Variants in CNTNAP2 observed in about 807,000 individuals in gnomAD.
CNTNAP2 encodes contactin associated protein 2.
Under a neutral mutation model 155.2 loss-of-function variants are expected in CNTNAP2, and 98 were observed. The observed-to-expected ratio is 0.63, with a 90% CI of 0.54 to 0.75. The LOEUF (loss-of-function observed/expected upper bound fraction) is 0.75. CNTNAP2 is among the 30% of genes least tolerant of loss of function. CNTNAP2 has a pLI of 0.00. For synonymous variants in CNTNAP2, 651 were observed against 631.2 expected (o/e 1.03, Z -0.47); for missense variants, 1,727 against 1,688.1 (o/e 1.02, Z -0.40).
intron 1 of CNTNAP2, among the ~76,000 whole-genome samples, chr7:146,286,719 A>G (rs1800342993): frequency 6.6e-6 from 1 of 152,136 alleles, no homozygotes; most frequent in African/African-American, 2.4e-5. Context: ...ATGATCCATA[A>G]ACGTTCTACT....
At chr7:146,403,985 C>T (rs1248197752) in intron 1 of CNTNAP2, among the ~76,000 whole-genome samples, 2 of 151,176 alleles carry the variant, frequency 1.3e-5, no homozygotes, top group African/African-American at 2.4e-5. Context: ...ATTAGCCGGG[C>T]GTAGTGGCGG....
At chr7:146,925,159 AT>A (rs935299561) in intron 3 of CNTNAP2, among the ~76,000 whole-genome samples, 1 of 151,892 alleles carries the variant, frequency 6.6e-6, no homozygotes, top group Non-Finnish European at 1.5e-5. Flanking sequence ...CTTCTCTTAC[AT>A]TTTTTTTCTG....
intron 1 of CNTNAP2, among the ~76,000 whole-genome samples, chr7:146,634,367 T>A (rs556712571): frequency 5.3e-5 from 8 of 152,314 alleles, no homozygotes; most frequent in African/African-American, 1.7e-4. Context: ...TGAAAACTGA[T>A]CTCATTCATT....
At chr7:146,821,454 G>T (rs988324113) in intron 2 of CNTNAP2, among the ~76,000 whole-genome samples, 8 of 152,030 alleles carry the variant, frequency 5.3e-5, no homozygotes, top group African/African-American at 1.9e-4. Flanking sequence ...GAAATTCTGG[G>T]TTGAAAATTC....
At chr7:147,039,563 T>C (rs1346305176) in intron 3 of CNTNAP2, among the ~76,000 whole-genome samples, 1 of 152,206 alleles carries the variant, frequency 6.6e-6, no homozygotes, top group Non-Finnish European at 1.5e-5. Context: ...GGTGTATATG[T>C]AGCACATTTT....
intron 1 of CNTNAP2, among the ~76,000 whole-genome samples, chr7:146,680,316 G>A (rs549799382): frequency 8.1e-4 from 124 of 152,172 alleles, no homozygotes; most frequent in Non-Finnish European, 1.5e-3. Flanking sequence ...ACACCAAAAA[G>A]CAAACAAAAC....
At chr7:146,888,275 T>C (rs1795709007) in intron 3 of CNTNAP2, among the ~76,000 whole-genome samples, 1 of 152,146 alleles carries the variant, frequency 6.6e-6, no homozygotes, top group Non-Finnish European at 1.5e-5. Flanking sequence ...GTAGAACTCG[T>C]GTGGAAATTT....
chr7:147,594,569 G>C (rs1237600673), intron 12 of CNTNAP2, among the ~76,000 whole-genome samples: 1 of 152,148 alleles, frequency 6.6e-6, no homozygotes, highest in African/African-American at 2.4e-5. Flanking sequence ...AATACTATCT[G>C]ATCTGCTTAT....
At chr7:147,089,703 GGT>G (rs1445502096) in intron 4 of CNTNAP2, among the ~76,000 whole-genome samples, 1 of 152,076 alleles carries the variant, frequency 6.6e-6, no homozygotes, top group Admixed American at 6.6e-5. Context: ...CAGCCAACCA[GGT>G]GTTATGACAC....
At chr7:147,609,793 C>T (rs1199032229) in intron 12 of CNTNAP2, among the ~76,000 whole-genome samples, 1 of 151,990 alleles carries the variant, frequency 6.6e-6, no homozygotes, top group Non-Finnish European at 1.5e-5. Context: ...GGAGAGAAAC[C>T]TGAACACCCA....
At chr7:147,089,205 T>C (rs1563072804) in intron 4 of CNTNAP2, among the ~76,000 whole-genome samples, 1 of 152,196 alleles carries the variant, frequency 6.6e-6, no homozygotes, top group African/African-American at 2.4e-5. Context: ...GTTCCGTGTA[T>C]GCATCCCACC....
At chr7:147,673,812 A>C (rs4487669) in intron 13 of CNTNAP2, among the ~76,000 whole-genome samples, 2,493 of 152,314 alleles carry the variant, frequency 0.016, 218 homozygotes, top group Admixed American at 0.15. Flanking sequence ...TTGAAAAATC[A>C]GAGAAAGTTT....
At chr7:146,470,806 G>A (rs1416240322) in intron 1 of CNTNAP2, among the ~76,000 whole-genome samples, 1 of 152,030 alleles carries the variant, frequency 6.6e-6, no homozygotes, top group Non-Finnish European at 1.5e-5. Context: ...CTGACTTCAT[G>A]ATCCGCCTGC....
intron 8 of CNTNAP2, among the ~76,000 whole-genome samples, chr7:147,286,518 T>G (rs10261539): frequency 0.17 from 25,459 of 151,956 alleles, 3,468 homozygotes; most frequent in East Asian, 0.76. Flanking sequence ...AAAAATAATC[T>G]GAAAAGCATA....
intron 15 of CNTNAP2, among the ~76,000 whole-genome samples, chr7:148,080,018 G>A (rs182199090): frequency 1.3e-5 from 2 of 152,154 alleles, no homozygotes; most frequent in Non-Finnish European, 2.9e-5. Context: ...AAGTCTCTAA[G>A]AGCTAATGTG....
chr7:147,151,500 C>T (rs919804474), intron 8 of CNTNAP2, among the ~76,000 whole-genome samples: 2 of 152,144 alleles, frequency 1.3e-5, no homozygotes, highest in South Asian at 2.1e-4. Flanking sequence ...CAGCTAATCC[C>T]TAGAAATAAC....
rs938590379 is a variant in CNTNAP2 at position 147,377,212 on chromosome 7, A to G, written c.1499-18397A>G. Among the ~76,000 whole-genome samples, 3 of 150,212 alleles carry G rather than the reference A, an allele frequency of 2.0e-5. No individual in the cohort carries two copies. In the East Asian group the frequency reaches 5.9e-4, roughly 29 times the overall value. ...AATTGCTTTGAAATGTATGTATGTC[A>G]TATCTAGTATTTTAGGGATTATCCT... is the stretch of plus-strand genomic sequence containing the variant. On this transcript the variant is annotated intron_variant, in intron 9 of 23. Coordinates refer to ENST00000361727, the MANE Select transcript of CNTNAP2 (RefSeq NM_014141.6).
intron 1 of CNTNAP2, among the ~76,000 whole-genome samples, chr7:146,716,317 A>G (rs946173821): frequency 1.3e-5 from 2 of 151,940 alleles, no homozygotes; most frequent in African/African-American, 4.8e-5. Context: ...TATACATACC[A>G]TTTCCCCTCC....
chr7:147,799,622 A>G (rs74365841), intron 13 of CNTNAP2, among the ~76,000 whole-genome samples: 5,011 of 152,338 alleles, frequency 0.033, 142 homozygotes, highest in Non-Finnish European at 0.052. Flanking sequence ...ATTAGTGCAG[A>G]ATTTAGGAAG....
Sources: gnomAD v4.1 joint callset for allele counts (sites outside exome capture counted in the v4.1 genomes callset) on GRCh38, gnomAD v4.1.1 for gene constraint, MANE v1.5 for transcripts, NCBI Gene and HGNC (gene_info 2026-07-23, HGNC 2026-07-21) for gene names.